MAML3: variants seen among roughly 807,000 people sequenced by gnomAD.
The protein encoded by MAML3 is mastermind-like protein 3.
A neutral mutation model predicts 101.9 loss-of-function variants in MAML3; 27 were observed. The observed-to-expected ratio is 0.27, with a 90% CI of 0.20 to 0.37. MAML3 has a LOEUF of 0.37. Ranked by LOEUF, MAML3 falls within the 10% of genes least tolerant of loss-of-function variation. MAML3 has a pLI of 1.00. For synonymous variants in MAML3, 501 were observed against 555.9 expected, an observed-to-expected ratio of 0.90 and a Z score of 1.39; for missense variants, 1,316 against 1,444.9, an observed-to-expected ratio of 0.91 and a Z score of 1.45.
intron 2 of MAML3, among the ~76,000 whole-genome samples, chr4:139,853,579 C>T (rs1731599249): frequency 6.6e-6 from 1 of 152,116 alleles, no homozygotes; most frequent in Admixed American, 6.5e-5. Flanking sequence ...CTCTGATCAA[C>T]CCCAAGCTTT....
At chr4:140,016,443 G>A (rs890063265) in intron 1 of MAML3, among the ~76,000 whole-genome samples, 31 of 152,162 alleles carry the variant, frequency 2.0e-4, no homozygotes, top group Middle Eastern at 3.2e-3. Context: ...TAAAATGTAT[G>A]TGAAAATGCA....
chr4:140,067,074 T>C (rs1234030981), intron 1 of MAML3, among the ~76,000 whole-genome samples: 2 of 152,172 alleles, frequency 1.3e-5, no homozygotes, highest in Admixed American at 1.3e-4. Flanking sequence ...GCATGCCTTT[T>C]CTCCAATATT....
chr4:140,152,798 G>GCCCCCCCCCCCCCC, intron 1 of MAML3, 62 bp downstream of exon 1: 9 of 1,555,790 alleles, frequency 5.8e-6, no homozygotes, highest in Non-Finnish European at 7.8e-6. Flanking sequence ...AGCTCCACGC[G>GCCCCCCCCCCCCCC]CCCCCCACCA....
rs373441548 is a variant in MAML3, at chr4:139,719,920, C to T, written c.2820G>A (p.Leu940=). 2.8e-4 allele frequency: 456 copies of T among 1,614,084 alleles called. 1 individual carries two copies. Among genetic ancestry groups the T allele is most frequent in the Middle Eastern group, 1.2e-3 (7 of 6,062 alleles). The change falls in exon 5 of 5, where the codon TTG becomes TTA. Residue 940 remains leucine (L), a synonymous_variant. Coordinates refer to ENST00000509479, the MANE Select transcript of MAML3 (RefSeq NM_018717.5). The part of the protein sequence containing the change: ...PQMKGPVGQA[L]PRPQAPPRLQ... ...GCCTTGGAGGGGCTTGGGGCCTAGG[C>T]AAGGCCTGGCCTACTGGCCCTTTCA...
chr4:139,875,227 TC>T (rs1732088357), intron 2 of MAML3, among the ~76,000 whole-genome samples: 1 of 137,230 alleles, frequency 7.3e-6, no homozygotes, highest in South Asian at 2.4e-4. Context: ...CAGAGCTGAC[TC>T]CCGACCTCTA....
intron 1 of MAML3, among the ~76,000 whole-genome samples, chr4:140,058,040 C>G (rs1200078629): frequency 7.6e-6 from 1 of 130,870 alleles, no homozygotes; most frequent in Non-Finnish European, 1.6e-5. Flanking sequence ...CGTACAGTTA[C>G]TCTGTCCCTT....
chr4:140,010,268 G>A (rs1434617793), intron 1 of MAML3, among the ~76,000 whole-genome samples: 1 of 152,154 alleles, frequency 6.6e-6, no homozygotes, highest in African/African-American at 2.4e-5. Context: ...CTGCATATCT[G>A]GCATTCAGCA....
At chr4:139,889,087 T>C in intron 2 of MAML3, 2 of 616,494 alleles carry the variant, frequency 3.2e-6, no homozygotes, top group Admixed American at 4.3e-5. Context: ...AGAGTGAGAA[T>C]TTTATGTAAT....
intron 2 of MAML3, among the ~76,000 whole-genome samples, chr4:139,836,940 T>G (rs1222082137): frequency 6.6e-6 from 1 of 150,664 alleles, no homozygotes; most frequent in Non-Finnish European, 1.5e-5. Flanking sequence ...CTAACCAACA[T>G]GGAGAAACCC....
intron 1 of MAML3, among the ~76,000 whole-genome samples, chr4:139,982,579 T>A (rs1487026745): frequency 6.6e-6 from 1 of 152,230 alleles, no homozygotes; most frequent in Non-Finnish European, 1.5e-5. Flanking sequence ...GGTTAGCATA[T>A]GATACTTTTT....
At chr4:139,771,972 G>C (rs982411749) in intron 2 of MAML3, among the ~76,000 whole-genome samples, 2 of 151,430 alleles carry the variant, frequency 1.3e-5, no homozygotes, top group Non-Finnish European at 2.9e-5. Flanking sequence ...GGGCGCGGTG[G>C]CTCACGCCTG....
chr4:139,838,267 T>A (rs750908784), intron 2 of MAML3, among the ~76,000 whole-genome samples: 9 of 152,212 alleles, frequency 5.9e-5, no homozygotes, highest in Non-Finnish European at 1.3e-4. Context: ...TGTAAGTGGA[T>A]CTACAGTTAA....
intron 1 of MAML3, among the ~76,000 whole-genome samples, chr4:139,969,658 CT>C (rs1447384980): frequency 2.6e-5 from 4 of 152,196 alleles, no homozygotes; most frequent in Non-Finnish European, 5.9e-5. Context: ...ATCTTTACTT[CT>C]TGCATTTCAA....
chr4:139,717,923 A>T lies in MAML3; in HGVS notation c.*1400T>A, dbSNP rs957866779. 3 of 152,196 alleles carry T rather than the reference A, an allele frequency of 2.0e-5. No homozygotes were observed. Among genetic ancestry groups the T allele is most frequent in the Non-Finnish European group, 2.9e-5 (2 of 68,040 alleles). 9.4% of individuals were successfully genotyped at this position (152,196 alleles called of 1,614,324 possible). A position where few individuals can be genotyped will look rare whatever the true frequency, so the allele number is the denominator to read the frequency against. ...TGCGTCAATTGCAGAGAACAACTGT[A>T]CAGGACTTTGGAAGAGGACTACTTT... is the stretch of plus-strand genomic sequence containing the variant. On this transcript the variant is annotated 3_prime_UTR_variant, in exon 5 of 5. Coordinates refer to ENST00000509479, the MANE Select transcript of MAML3 (RefSeq NM_018717.5).
chr4:139,719,548 G>T lies in MAML3; in HGVS notation c.3192C>A (p.Pro1064=), dbSNP rs1232453482. ...GVPGMPAFSQ[P]PAQQQIPSGS... Reference sequence around the variant, plus strand: ...CACTGGGTATCTGCTGCTGTGCTGGGGGCTGGCTGAACGCTGGCATGCCTG... The same window carrying T: ...CACTGGGTATCTGCTGCTGTGCTGGTGGCTGGCTGAACGCTGGCATGCCTG... Residue 1064 remains proline, a synonymous_variant, in exon 5 of 5, where the codon CCC becomes CCA. Transcript: ENST00000509479. 3 of 1,613,842 alleles carry T rather than the reference G, an allele frequency of 1.9e-6. No individual in the cohort carries two copies. The highest frequency in any genetic ancestry group is 1.1e-5 in the South Asian group (1 of 91,062).
chr4:140,069,648 G>A (rs1727610419), intron 1 of MAML3, among the ~76,000 whole-genome samples: 1 of 150,222 alleles, frequency 6.7e-6, no homozygotes, highest in African/African-American at 2.4e-5. Flanking sequence ...AGAAGAAGGA[G>A]GAGGAGAAGG....
At chr4:139,807,582 A>T (rs7670218) in intron 2 of MAML3, among the ~76,000 whole-genome samples, 3,590 of 152,252 alleles carry the variant, frequency 0.024, 146 homozygotes, top group African/African-American at 0.082. Context: ...ACTCCATAGG[A>T]TACCTCAAGG....
At chr4:139,951,275 C>T (rs1476885277) in intron 1 of MAML3, among the ~76,000 whole-genome samples, 5 of 152,210 alleles carry the variant, frequency 3.3e-5, no homozygotes, top group East Asian at 3.8e-4. Context: ...GTAGCAGCCA[C>T]GCTGCCTTCA....
At chr4:139,936,255 C>T (rs1000999523) in intron 1 of MAML3, among the ~76,000 whole-genome samples, 4 of 152,132 alleles carry the variant, frequency 2.6e-5, no homozygotes, top group African/African-American at 4.8e-5. Flanking sequence ...AAACACACAG[C>T]CACATACACA....
Sources: gnomAD v4.1 joint callset for allele counts (sites outside exome capture counted in the v4.1 genomes callset) on GRCh38, gnomAD v4.1.1 for gene constraint, MANE v1.5 for transcripts, NCBI Gene and HGNC (gene_info 2026-07-23, HGNC 2026-07-21) for gene names.